The following RNF217 variants were observed in gnomAD, a reference collection of about 807,000 sequenced individuals.
The protein encoded by RNF217 is E3 ubiquitin-protein ligase RNF217.
RNF217 carries 31 observed loss-of-function variants against 57.8 expected under a neutral mutation model. The observed-to-expected ratio is 0.54, with a 90% CI of 0.40 to 0.72. The LOEUF is 0.72. RNF217 is among the 30% of genes least tolerant of loss of function. RNF217 has a pLI of 0.00. For missense variants in RNF217, 696 were observed against 708.3 expected (o/e 0.98, Z 0.20); for synonymous variants, 313 against 294.0 (o/e 1.06, Z -0.66).
chr6:124,988,579 A>G (rs1218152090), intron 1 of RNF217, among the ~76,000 whole-genome samples: 1 of 152,200 alleles, frequency 6.6e-6, no homozygotes, highest in African/African-American at 2.4e-5. Context: ...TAAAAACCCA[A>G]AATGTTCACT....
At chr6:124,970,050 A>G (rs1253665337) in intron 1 of RNF217, among the ~76,000 whole-genome samples, 1 of 152,200 alleles carries the variant, frequency 6.6e-6, no homozygotes, top group Non-Finnish European at 1.5e-5. Flanking sequence ...TGAAGCATAG[A>G]GAATGAAGTG....
intron 1 of RNF217, among the ~76,000 whole-genome samples, chr6:125,029,762 A>T (rs1021048823): frequency 6.6e-6 from 1 of 152,184 alleles, no homozygotes; most frequent in African/African-American, 2.4e-5. Flanking sequence ...ATATCTGTTA[A>T]GTAGTTTTGA....
At chr6:125,013,867 G>A (rs1582709184) in intron 1 of RNF217, among the ~76,000 whole-genome samples, 1 of 152,132 alleles carries the variant, frequency 6.6e-6, no homozygotes, top group East Asian at 1.9e-4. Context: ...ACATGTAACA[G>A]CAGCAACAAT....
At chr6:125,000,590 C>T (rs1470540352) in intron 1 of RNF217, among the ~76,000 whole-genome samples, 1 of 151,954 alleles carries the variant, frequency 6.6e-6, no homozygotes, top group Non-Finnish European at 1.5e-5. Flanking sequence ...TTTTGATCCT[C>T]ACATTAATCA....
intron 4 of RNF217, among the ~76,000 whole-genome samples, chr6:125,080,394 T>G (rs1189263149): frequency 6.6e-6 from 1 of 152,162 alleles, no homozygotes; most frequent in East Asian, 1.9e-4. Flanking sequence ...ATAAAAAAGT[T>G]AGTATGTTTT....
chr6:125,029,235 G>C (rs1786242312), intron 1 of RNF217, among the ~76,000 whole-genome samples: 1 of 152,020 alleles, frequency 6.6e-6, no homozygotes, highest in Non-Finnish European at 1.5e-5. Flanking sequence ...TATACCCCTA[G>C]AATGAGTTTG....
At chr6:125,038,990 A>T (rs1006445409) in intron 1 of RNF217, among the ~76,000 whole-genome samples, 2 of 149,250 alleles carry the variant, frequency 1.3e-5, no homozygotes, top group African/African-American at 4.9e-5. Context: ...CCCTCCCTCC[A>T]CCCCATCCCC....
intron 1 of RNF217, among the ~76,000 whole-genome samples, chr6:124,976,665 A>G (rs562500657): frequency 1.3e-5 from 2 of 151,370 alleles, no homozygotes; most frequent in Non-Finnish European, 2.9e-5. Flanking sequence ...ACACCCAGCT[A>G]ATTTTTTGTG....
At chr6:125,067,954 A>G (rs952138558) in intron 3 of RNF217, among the ~76,000 whole-genome samples, 2 of 152,210 alleles carry the variant, frequency 1.3e-5, no homozygotes, top group Non-Finnish European at 2.9e-5. Context: ...AGTGTATCAA[A>G]GGTCAGTAAG....
intron 3 of RNF217, among the ~76,000 whole-genome samples, chr6:125,068,131 T>C (rs971591261): frequency 1.3e-5 from 2 of 152,116 alleles, no homozygotes; most frequent in African/African-American, 2.4e-5. Context: ...AGCTCTTTAA[T>C]GAGATAATGA....
At chr6:125,049,323 CTCTT>C (rs972518015) in intron 2 of RNF217, among the ~76,000 whole-genome samples, 2 of 152,024 alleles carry the variant, frequency 1.3e-5, no homozygotes, top group Non-Finnish European at 2.9e-5. Context: ...CCTTAAGTTT[CTCTT>C]TCTAACTGGT....
intron 1 of RNF217, among the ~76,000 whole-genome samples, chr6:125,040,996 G>T (rs1786857878): frequency 6.6e-6 from 1 of 152,000 alleles, no homozygotes. Context: ...CATACTGAAT[G>T]GACAAAAGCT....
At chr6:125,046,742 G>A in intron 2 of RNF217, 2 of 452,922 alleles carry the variant, frequency 4.4e-6, no homozygotes, top group Non-Finnish European at 8.9e-6. Context: ...CCATGGTTTA[G>A]CAGGTAGTTT....
At chr6:125,058,363 T>C (rs1039247247) in intron 3 of RNF217, among the ~76,000 whole-genome samples, 2 of 152,132 alleles carry the variant, frequency 1.3e-5, no homozygotes, top group African/African-American at 4.8e-5. Flanking sequence ...GAGGTCCTTA[T>C]ATTACATTTA....
intron 1 of RNF217, among the ~76,000 whole-genome samples, chr6:125,018,807 G>A (rs1055951271): frequency 2.6e-5 from 4 of 152,096 alleles, no homozygotes; most frequent in Admixed American, 6.6e-5. Context: ...CTCTCCCAGA[G>A]TAATGAAGAC....
intron 1 of RNF217, chr6:124,996,487 A>C (rs779414788): frequency 2.0e-5 from 3 of 151,976 alleles, no homozygotes. Flanking sequence ...CTACCAATTC[A>C]TGGTTTTCTT....
intron 1 of RNF217, among the ~76,000 whole-genome samples, chr6:125,027,876 G>A (rs1363497924): frequency 6.6e-6 from 1 of 152,082 alleles, no homozygotes; most frequent in Non-Finnish European, 1.5e-5. Context: ...ATCTCTTGTA[G>A]TTTTGATTTG....
At chr6:125,076,879 T>C in intron 4 of RNF217, 21 bp downstream of exon 4, 2 of 1,595,832 alleles carry the variant, frequency 1.3e-6, no homozygotes, top group Non-Finnish European at 8.6e-7. Flanking sequence ...GACATACTTA[T>C]GGGTGTCTTC....
At chr6:125,041,150 G>A (rs946726763) in intron 1 of RNF217, among the ~76,000 whole-genome samples, 7 of 152,082 alleles carry the variant, frequency 4.6e-5, no homozygotes, top group African/African-American at 1.7e-4. Context: ...ATATTGATCT[G>A]TACATATATA....
Sources: allele counts gnomAD v4.1 joint callset (sites outside exome capture counted in the v4.1 genomes callset), GRCh38; gene constraint gnomAD v4.1.1; transcripts MANE v1.5; gene names NCBI Gene and HGNC (gene_info 2026-07-23, HGNC 2026-07-21).